Variants in STK33 observed in about 807,000 individuals in gnomAD.
The protein encoded by STK33 is serine/threonine kinase 33, also known as serine/threonine-protein kinase 33.
In STK33, 52 loss-of-function variants were observed where a neutral mutation model predicts 58.0. The observed-to-expected ratio is 0.90, with a 90% CI of 0.72 to 1.13. STK33 has a LOEUF of 1.13. STK33 is among the 50% of genes most tolerant of loss of function. The pLI, the probability that STK33 is intolerant of heterozygous loss-of-function variation, is 0.00. For synonymous variants in STK33, 215 were observed against 200.1 expected, an observed-to-expected ratio of 1.07 and a Z score of -0.63; for missense variants, 630 against 604.2, an observed-to-expected ratio of 1.04 and a Z score of -0.45.
At chr11:8,457,585 C>T (rs1024205701) in intron 8 of STK33, 106 bp from the exon 9 acceptor site, 5 of 1,004,832 alleles carry the variant, frequency 5.0e-6, no homozygotes, top group Admixed American at 5.0e-5. Context: ...TTAATTTATT[C>T]ATTCAAAAGT....
At chr11:8,497,201 C>T (rs1951127907) in intron 1 of STK33, among the ~76,000 whole-genome samples, 1 of 151,870 alleles carries the variant, frequency 6.6e-6, no homozygotes. Context: ...AAATAATGGC[C>T]AAAAATTTCT....
At chr11:8,348,354 G>T in the STK33 span, among the ~76,000 whole-genome samples, 2 of 152,154 alleles carry the variant, frequency 1.3e-5, no homozygotes, top group African/African-American at 4.8e-5. Flanking sequence ...TTGGCGGAAG[G>T]GGAAGCAAAC....
chr11:8,509,545 G>C (rs991861469), intron 1 of STK33, among the ~76,000 whole-genome samples: 2 of 152,130 alleles, frequency 1.3e-5, no homozygotes, highest in African/African-American at 4.8e-5. Context: ...TGGGGGTACA[G>C]GTGGTTTCTG....
In STK33 at chr11:8,404,879, G is replaced by A. The variant is rs186502344; in HGVS notation, c.1344+8616C>T. ...ATGCCAGCCAGGCGCGGTGGCTCAC[G>A]CCTGTAATCCCAGCACTTTGGGAGG... On this transcript the variant is annotated intron_variant, in intron 15 of 15. Coordinates refer to ENST00000687296, the MANE Select transcript of STK33 (RefSeq NM_001352389.2). 1.2e-4 allele frequency among the ~76,000 whole-genome samples: 19 copies of A among 152,320 alleles called. No individual in the cohort carries two copies. In the East Asian group the frequency reaches 2.3e-3, roughly 19 times the overall value.
At chr11:8,416,606 A>G (rs1941168020) in intron 14 of STK33, among the ~76,000 whole-genome samples, 1 of 152,168 alleles carries the variant, frequency 6.6e-6, no homozygotes, top group South Asian at 2.1e-4. Context: ...GATTGCCTAC[A>G]TTATTTTGAA....
chr11:8,577,865 T>C (rs1958297527), intron 1 of STK33, among the ~76,000 whole-genome samples: 1 of 152,126 alleles, frequency 6.6e-6, no homozygotes, highest in Admixed American at 6.6e-5. Flanking sequence ...ACAGAGCCAT[T>C]GTAAGCATTT....
rs1951559137 is a variant in STK33 at position 8,502,110 on chromosome 11, G to A, written c.-465-21496C>T. Among the ~76,000 whole-genome samples, 3 of 152,066 alleles carry A rather than the reference G, an allele frequency of 2.0e-5. No homozygotes were observed. In the South Asian group the frequency reaches 6.2e-4, roughly 32 times the overall value. On this transcript the variant is annotated intron_variant, in intron 1 of 15. Transcript: ENST00000687296. ...CATAGTGTGATGATTGTACAACCAT[G>A]AAAATATATGTTTTAAAATGGTAGA...
chr11:8,473,875 A>T (rs909103437), intron 5 of STK33, among the ~76,000 whole-genome samples: 2 of 152,180 alleles, frequency 1.3e-5, no homozygotes, highest in African/African-American at 4.8e-5. Context: ...TGCCTATTCT[A>T]TATAAAGATG....
At chr11:8,521,709 A>G (rs556493586) in intron 1 of STK33, among the ~76,000 whole-genome samples, 62 of 152,290 alleles carry the variant, frequency 4.1e-4, no homozygotes, top group Admixed American at 1.5e-3. Flanking sequence ...ATGGGAGAAA[A>G]TTTTTACAAT....
At chr11:8,449,993 G>C (rs1421220924) in intron 11 of STK33, among the ~76,000 whole-genome samples, 1 of 152,148 alleles carries the variant, frequency 6.6e-6, no homozygotes, top group Non-Finnish European at 1.5e-5. Context: ...AATACAGTGT[G>C]GTGATTCCTC....
At chr11:8,518,136 G>A (rs543146140) in intron 1 of STK33, among the ~76,000 whole-genome samples, 1 of 152,152 alleles carries the variant, frequency 6.6e-6, no homozygotes, top group South Asian at 2.1e-4. Context: ...GACTAACAGA[G>A]GATCTCTTGG....
At chr11:8,406,657 A>G (rs1939266535) in intron 15 of STK33, among the ~76,000 whole-genome samples, 1 of 152,222 alleles carries the variant, frequency 6.6e-6, no homozygotes, top group Non-Finnish European at 1.5e-5. Context: ...TTATTTCCCA[A>G]TTGTTCACTG....
intron 4 of STK33, among the ~76,000 whole-genome samples, 170 bp downstream of exon 4, chr11:8,476,517 A>G (rs10840056): frequency 1.3e-5 from 2 of 151,876 alleles, no homozygotes; most frequent in African/African-American, 4.8e-5. Flanking sequence ...TAATATGCCA[A>G]GTATACTCCC....
intron 1 of STK33, among the ~76,000 whole-genome samples, chr11:8,486,519 G>A (rs941542528): frequency 6.6e-6 from 1 of 152,096 alleles, no homozygotes; most frequent in African/African-American, 2.4e-5. Context: ...AGTCTTGGTT[G>A]AGTCTCTGCC....
chr11:8,566,215 C>T (rs1386966803), intron 1 of STK33, among the ~76,000 whole-genome samples: 1 of 152,134 alleles, frequency 6.6e-6, no homozygotes, highest in Non-Finnish European at 1.5e-5. Flanking sequence ...AAGAAGTTAC[C>T]TCAAAATGCA....
intron 1 of STK33, among the ~76,000 whole-genome samples, chr11:8,537,698 T>A (rs755917499): frequency 3.5e-5 from 5 of 142,086 alleles, no homozygotes; most frequent in African/African-American, 5.3e-5. Flanking sequence ...AGACCAGGAG[T>A]TCAAGACCAG....
At chr11:8,358,316 C>T in the STK33 span, among the ~76,000 whole-genome samples, 1 of 152,282 alleles carries the variant, frequency 6.6e-6, no homozygotes, top group Middle Eastern at 3.4e-3. Context: ...GAGCTGGGAC[C>T]CCACCCTGCT....
chr11:8,532,166 A>G (rs1039852810), intron 1 of STK33, among the ~76,000 whole-genome samples: 1 of 152,272 alleles, frequency 6.6e-6, no homozygotes, highest in Admixed American at 6.5e-5. Flanking sequence ...TTCGGAGTAC[A>G]GAACAGGGAT....
rs202019803 is a variant in STK33 at position 8,450,779 on chromosome 11, TG to T, written c.871+2042del. On this transcript the variant is annotated intron_variant, in intron 11 of 15. Coordinates refer to ENST00000687296, the MANE Select transcript of STK33 (RefSeq NM_001352389.2). The stretch of plus-strand genomic sequence containing the variant: ...GAATAATGCAGTACATTAAACCATG[TG>T]AGGTTGAATTTAAATGTGCAAGGAT... Among the ~76,000 whole-genome samples the T allele has an allele frequency of 3.7e-3, 570 of 152,286 alleles. 3 individuals are homozygous for T. Among genetic ancestry groups the T allele is most frequent in the African/African-American group, 0.013 (543 of 41,562 alleles).
Sources: allele counts gnomAD v4.1 joint callset (sites outside exome capture counted in the v4.1 genomes callset), GRCh38; gene constraint gnomAD v4.1.1; transcripts MANE v1.5; gene names NCBI Gene and HGNC (gene_info 2026-07-23, HGNC 2026-07-21).